The following ADAMTSL1 variants were observed in gnomAD, a reference collection of about 807,000 sequenced individuals.
ADAMTSL1 encodes the protein ADAMTS-like protein 1.
In ADAMTSL1, 126 loss-of-function variants were observed where a neutral mutation model predicts 201.8. That is an observed-to-expected ratio of 0.62 (90% confidence interval 0.54 to 0.72). The LOEUF (loss-of-function observed/expected upper bound fraction) is 0.72. Ranked by LOEUF, ADAMTSL1 falls within the 30% of genes least tolerant of loss-of-function variation. ADAMTSL1 has a pLI of 0.00. For synonymous variants in ADAMTSL1, 1,121 were observed against 903.4 expected, an observed-to-expected ratio of 1.24 and a Z score of -4.32; for missense variants, 2,679 against 2,277.8, an observed-to-expected ratio of 1.18 and a Z score of -3.59.
At chr9:18,218,394 C>A (rs1187219132) in intron 2 of ADAMTSL1, among the ~76,000 whole-genome samples, 4 of 152,122 alleles carry the variant, frequency 2.6e-5, no homozygotes, top group African/African-American at 4.8e-5. Flanking sequence ...ATCATTTTTT[C>A]TGTCACAAAT....
intron 2 of ADAMTSL1, among the ~76,000 whole-genome samples, chr9:18,270,441 C>A (rs1832312164): frequency 1.3e-5 from 2 of 152,150 alleles, no homozygotes; most frequent in Admixed American, 1.3e-4. Context: ...GCCAAATTAT[C>A]TTTGTATCCT....
At chr9:18,172,569 T>A (rs1827948092) in intron 2 of ADAMTSL1, among the ~76,000 whole-genome samples, 1 of 152,072 alleles carries the variant, frequency 6.6e-6, no homozygotes, top group African/African-American at 2.4e-5. Context: ...AAAGAGCAAC[T>A]TGGCAGTGTC....
intron 4 of ADAMTSL1, among the ~76,000 whole-genome samples, chr9:18,617,573 A>T (rs1014117662): frequency 2.0e-5 from 3 of 152,068 alleles, no homozygotes; most frequent in Non-Finnish European, 4.4e-5. Flanking sequence ...AATAAAGAAA[A>T]ATCATCAGTG....
intron 2 of ADAMTSL1, among the ~76,000 whole-genome samples, chr9:18,524,612 T>G (rs1334364230): frequency 6.6e-6 from 1 of 152,130 alleles, no homozygotes; most frequent in Non-Finnish European, 1.5e-5. Context: ...TGAGATATGT[T>G]CCATTGATAC....
At chr9:18,329,330 A>G (rs886656180) in intron 2 of ADAMTSL1, among the ~76,000 whole-genome samples, 1 of 152,210 alleles carries the variant, frequency 6.6e-6, no homozygotes, top group African/African-American at 2.4e-5. Context: ...AATACACATT[A>G]GCCTAAACAG....
intron 2 of ADAMTSL1, among the ~76,000 whole-genome samples, chr9:18,414,818 T>C (rs1424096157): frequency 1.3e-5 from 2 of 152,124 alleles, no homozygotes; most frequent in African/African-American, 4.8e-5. Context: ...ACATGCCTGT[T>C]AAAAAACCAC....
intron 2 of ADAMTSL1, among the ~76,000 whole-genome samples, chr9:18,449,119 C>G (rs1384256177): frequency 6.6e-6 from 1 of 151,528 alleles, no homozygotes; most frequent in Non-Finnish European, 1.5e-5. Context: ...GAGAAGAGCA[C>G]TGATTATATA....
intron 1 of ADAMTSL1, among the ~76,000 whole-genome samples, chr9:17,926,401 C>T (rs547252346): frequency 6.6e-6 from 1 of 152,256 alleles, no homozygotes; most frequent in African/African-American, 2.4e-5. Flanking sequence ...ACCACTCGGC[C>T]ACATCACCAG....
intron 4 of ADAMTSL1, among the ~76,000 whole-genome samples, chr9:18,596,423 T>C (rs1206163146): frequency 2.6e-5 from 4 of 152,176 alleles, no homozygotes; most frequent in Admixed American, 6.5e-5. Flanking sequence ...AATTTTTTCA[T>C]CTGTACAAAC....
chr9:18,179,718 A>C (rs1587242646), intron 2 of ADAMTSL1, among the ~76,000 whole-genome samples: 3 of 152,202 alleles, frequency 2.0e-5, no homozygotes, highest in African/African-American at 4.8e-5. Context: ...GGGGACCAAT[A>C]TTCAACATTC....
intron 2 of ADAMTSL1, among the ~76,000 whole-genome samples, chr9:18,530,999 G>C (rs1455459935): frequency 1.3e-5 from 2 of 152,138 alleles, no homozygotes; most frequent in East Asian, 3.9e-4. Context: ...CAATTACCTT[G>C]TAAATTTACC....
At chr9:17,987,318 G>C (rs1321957740) in intron 1 of ADAMTSL1, among the ~76,000 whole-genome samples, 1 of 152,024 alleles carries the variant, frequency 6.6e-6, no homozygotes, top group Non-Finnish European at 1.5e-5. Context: ...CTTTTGGAGG[G>C]CTAAGGAAGC....
At chr9:18,273,039 C>G (rs1442558589) in intron 2 of ADAMTSL1, among the ~76,000 whole-genome samples, 3 of 152,164 alleles carry the variant, frequency 2.0e-5, no homozygotes. Flanking sequence ...AATAGACACT[C>G]ATTCTTTTGT....
intron 23 of ADAMTSL1, among the ~76,000 whole-genome samples, chr9:18,873,648 A>ATTGGTCT (rs1352389664): frequency 6.6e-5 from 10 of 152,020 alleles, no homozygotes; most frequent in African/African-American, 2.4e-4. Context: ...GTTCTGTTCC[A>ATTGGTCT]TTGGTCTTTT....
chr9:18,215,091 G>A (rs189569399), intron 2 of ADAMTSL1, among the ~76,000 whole-genome samples: 44 of 152,284 alleles, frequency 2.9e-4, no homozygotes, highest in African/African-American at 8.9e-4. Context: ...ATGAGATGGC[G>A]ATTGGAATGG....
At chr9:18,628,364 G>A (rs35371614) in intron 5 of ADAMTSL1, among the ~76,000 whole-genome samples, 6,027 of 152,108 alleles carry the variant, frequency 0.04, 160 homozygotes, top group East Asian at 0.12. Context: ...CTTTTGAATT[G>A]TCTTTAAACC....
chr9:18,382,125 G>A lies in ADAMTSL1; in HGVS notation c.208-122704G>A, dbSNP rs147703328. ...TGCTAGAGAATTTTGACCGGGGGCA[G>A]GTAGCATGCTCTTCCTTGCAAAGTG... On this transcript the variant is annotated intron_variant, in intron 2 of 29. Transcript: ENST00000680146. Among the ~76,000 whole-genome samples the A allele has an allele frequency of 1.1e-3, 160 of 152,252 alleles. 2 individuals are homozygous for A. The highest frequency in any genetic ancestry group is 3.8e-3 in the African/African-American group (158 of 41,554).
chr9:18,684,280 A>G (rs1012843999), intron 12 of ADAMTSL1, among the ~76,000 whole-genome samples: 7 of 152,264 alleles, frequency 4.6e-5, no homozygotes, highest in Admixed American at 2.0e-4. Context: ...TGTGACATAG[A>G]TCACACTTAG....
chr9:18,710,252 A>G (rs1832480479), intron 14 of ADAMTSL1, among the ~76,000 whole-genome samples: 1 of 152,108 alleles, frequency 6.6e-6, no homozygotes. Context: ...CCCTTTAGCC[A>G]TTGCATTTGT....
Sources: allele counts gnomAD v4.1 joint callset (sites outside exome capture counted in the v4.1 genomes callset), GRCh38; gene constraint gnomAD v4.1.1; transcripts MANE v1.5; gene names NCBI Gene and HGNC (gene_info 2026-07-23, HGNC 2026-07-21).